Variants in CNTNAP2 observed in about 807,000 individuals in gnomAD.
The protein encoded by CNTNAP2 is contactin-associated protein-like 2.
Under a neutral mutation model 155.2 loss-of-function variants are expected in CNTNAP2, and 98 were observed. The ratio of observed to expected loss-of-function variants is 0.63; its 90% CI spans 0.54 to 0.75. The LOEUF (loss-of-function observed/expected upper bound fraction) is 0.75. CNTNAP2 is among the 30% of genes least tolerant of loss of function. The probability of loss-of-function intolerance (pLI) is 0.00; values close to 1 mark genes in which losing one functional copy is unlikely to be tolerated. For synonymous variants in CNTNAP2, 651 were observed against 631.2 expected, an observed-to-expected ratio of 1.03 and a Z score of -0.47; for missense variants, 1,727 against 1,688.1, an observed-to-expected ratio of 1.02 and a Z score of -0.40.
At chr7:147,432,326 G>A (rs1395958523) in intron 10 of CNTNAP2, among the ~76,000 whole-genome samples, 1 of 152,126 alleles carries the variant, frequency 6.6e-6, no homozygotes, top group African/African-American at 2.4e-5. Context: ...TCTTGGGAGG[G>A]ATAAGGAGGC....
intron 1 of CNTNAP2, among the ~76,000 whole-genome samples, chr7:146,640,706 C>G (rs1799689891): frequency 6.6e-6 from 1 of 152,166 alleles, no homozygotes; most frequent in African/African-American, 2.4e-5. Context: ...TGCAGTTGCA[C>G]TAATGTGCTC....
rs1484966580 is a variant in CNTNAP2, at chr7:147,108,328, G to A, written c.732G>A (p.Lys244=). ...DYITLELKKA[K]LVLSLNLGSN... ...TTACCTTGGAACTGAAAAAAGCCAAGCTGGTCCTCAGTTTAAACTTAGGTG... is the reference window on the plus strand; with the variant it reads ...TTACCTTGGAACTGAAAAAAGCCAAACTGGTCCTCAGTTTAAACTTAGGTG... Residue 244 remains lysine (K), a synonymous_variant, in exon 5 of 24, where the codon AAG becomes AAA. Transcript: ENST00000361727. 3 of 1,613,386 alleles carry A rather than the reference G, an allele frequency of 1.9e-6. No homozygotes were observed. The highest frequency in any genetic ancestry group is 1.7e-6 in the Non-Finnish European group (2 of 1,179,626).
intron 1 of CNTNAP2, among the ~76,000 whole-genome samples, chr7:146,765,627 C>T (rs895607062): frequency 1.8e-4 from 27 of 152,226 alleles, no homozygotes; most frequent in African/African-American, 6.3e-4. Flanking sequence ...ATGGTATTTA[C>T]AGTCCATTCA....
chr7:147,216,401 G>A (rs1180285760), intron 8 of CNTNAP2, among the ~76,000 whole-genome samples: 2 of 151,948 alleles, frequency 1.3e-5, no homozygotes, highest in Non-Finnish European at 2.9e-5. Flanking sequence ...TTTCTGTGTG[G>A]ATGTCCAGTA....
chr7:147,166,998 C>A (rs927256976), intron 8 of CNTNAP2, among the ~76,000 whole-genome samples: 1 of 152,096 alleles, frequency 6.6e-6, no homozygotes, highest in Non-Finnish European at 1.5e-5. Flanking sequence ...TTTGTTATAT[C>A]TAGAATTACC....
At chr7:146,406,293 C>A (rs1283915034) in intron 1 of CNTNAP2, among the ~76,000 whole-genome samples, 6 of 152,296 alleles carry the variant, frequency 3.9e-5, no homozygotes, top group Middle Eastern at 3.4e-3. Flanking sequence ...TCCACAAATT[C>A]TATTTTTTAA....
chr7:147,974,044 T>C (rs1801382937), intron 14 of CNTNAP2, among the ~76,000 whole-genome samples: 1 of 151,746 alleles, frequency 6.6e-6, no homozygotes, highest in African/African-American at 2.4e-5. Context: ...TGCAAAATAA[T>C]TAAGTAATGC....
intron 21 of CNTNAP2, among the ~76,000 whole-genome samples, chr7:148,346,285 T>G (rs1173800165): frequency 6.6e-6 from 1 of 152,234 alleles, no homozygotes; most frequent in Non-Finnish European, 1.5e-5. Context: ...TCTACACTTA[T>G]TTAGCATTTT....
intron 1 of CNTNAP2, among the ~76,000 whole-genome samples, chr7:146,479,702 C>T (rs1041081226): frequency 4.6e-5 from 7 of 151,660 alleles, no homozygotes; most frequent in African/African-American, 1.7e-4. Context: ...CAAAAAAAAC[C>T]CAAAAAACTT....
chr7:146,902,971 G>A (rs1796034301), intron 3 of CNTNAP2, among the ~76,000 whole-genome samples: 1 of 152,190 alleles, frequency 6.6e-6, no homozygotes, highest in Non-Finnish European at 1.5e-5. Context: ...AACTACTCGA[G>A]TAGAGCATGC....
chr7:146,998,753 A>C (rs1563038028), intron 3 of CNTNAP2, among the ~76,000 whole-genome samples: 1 of 151,928 alleles, frequency 6.6e-6, no homozygotes, highest in Non-Finnish European at 1.5e-5. Context: ...CATCTTATCG[A>C]ATTGACTACT....
At chr7:146,247,274 C>T (rs1458535519) in intron 1 of CNTNAP2, among the ~76,000 whole-genome samples, 1 of 152,166 alleles carries the variant, frequency 6.6e-6, no homozygotes, top group African/African-American at 2.4e-5. Flanking sequence ...ATGCCTTTAG[C>T]TTCAGCCACC....
chr7:146,280,080 G>A (rs112521807), intron 1 of CNTNAP2, among the ~76,000 whole-genome samples: 146 of 152,216 alleles, frequency 9.6e-4, no homozygotes, highest in African/African-American at 3.2e-3. Flanking sequence ...GATTTTTACT[G>A]TGTGTGCGTG....
At chr7:146,777,088 C>T (rs1802402655) in intron 2 of CNTNAP2, among the ~76,000 whole-genome samples, 1 of 152,124 alleles carries the variant, frequency 6.6e-6, no homozygotes, top group South Asian at 2.1e-4. Flanking sequence ...GTTACAGTTT[C>T]TTAACTGTGT....
intron 1 of CNTNAP2, among the ~76,000 whole-genome samples, chr7:146,472,918 AT>A (rs2129126939): frequency 6.7e-6 from 1 of 149,786 alleles, no homozygotes; most frequent in East Asian, 1.9e-4. Context: ...TTTAAATGTA[AT>A]GGCATTAGCA....
intron 10 of CNTNAP2, among the ~76,000 whole-genome samples, chr7:147,452,017 G>C (rs1009055864): frequency 7.2e-5 from 11 of 152,180 alleles, no homozygotes; most frequent in African/African-American, 2.7e-4. Flanking sequence ...CCAGAGCTGA[G>C]AGCCTATACA....
intron 1 of CNTNAP2, among the ~76,000 whole-genome samples, chr7:146,437,872 C>A (rs1418695459): frequency 8.0e-6 from 1 of 125,104 alleles, no homozygotes; most frequent in Admixed American, 8.0e-5. Context: ...TGTGCAATTC[C>A]CCAATCTCGT....
intron 3 of CNTNAP2, among the ~76,000 whole-genome samples, chr7:146,928,987 T>G (rs1265474222): frequency 1.3e-5 from 2 of 152,228 alleles, no homozygotes; most frequent in African/African-American, 2.4e-5. Context: ...CCTGCCTCTG[T>G]AGGCTCCACC....
intron 3 of CNTNAP2, among the ~76,000 whole-genome samples, chr7:147,034,169 C>CT: frequency 6.6e-6 from 1 of 152,328 alleles, no homozygotes; most frequent in African/African-American, 2.4e-5. Context: ...GCCATGCCAT[C>CT]TGTAAACTGT....
Sources: gnomAD v4.1 joint callset for allele counts (sites outside exome capture counted in the v4.1 genomes callset) on GRCh38, gnomAD v4.1.1 for gene constraint, MANE v1.5 for transcripts, NCBI Gene and HGNC (gene_info 2026-07-23, HGNC 2026-07-21) for gene names.